The following SBF2 variants were observed in gnomAD, a reference collection of about 807,000 sequenced individuals.
SBF2 encodes myotubularin-related protein 13.
SBF2 carries 112 observed loss-of-function variants against 225.2 expected under a neutral mutation model. The ratio of observed to expected loss-of-function variants is 0.50; its 90% CI spans 0.43 to 0.58. SBF2 has a LOEUF of 0.58. Among genes scored for constraint, SBF2 ranks in the 20% least tolerant of loss-of-function variants. SBF2 has a pLI of 0.00. For missense variants in SBF2, 1,996 were observed against 2,206.2 expected (o/e 0.90, Z 1.91); for synonymous variants, 763 against 773.3 (o/e 0.99, Z 0.22).
chr11:10,221,398 A>G (rs1455583411), intron 1 of SBF2, among the ~76,000 whole-genome samples: 2 of 152,188 alleles, frequency 1.3e-5, no homozygotes. Context: ...GATTACAGGC[A>G]TGAGCCACTG....
intron 2 of SBF2, among the ~76,000 whole-genome samples, chr11:10,059,993 A>G (rs1274797986): frequency 2.0e-5 from 3 of 152,134 alleles, no homozygotes; most frequent in Non-Finnish European, 4.4e-5. Flanking sequence ...AGAACAAATC[A>G]ACCCCAAAGC....
At chr11:9,867,959 T>C (rs1029097657) in intron 17 of SBF2, among the ~76,000 whole-genome samples, 2 of 152,124 alleles carry the variant, frequency 1.3e-5, no homozygotes, top group African/African-American at 4.8e-5. Flanking sequence ...CAGCAGGTGA[T>C]TACAGTTAAC....
At chr11:10,081,863 C>A (rs1951380049) in intron 2 of SBF2, among the ~76,000 whole-genome samples, 1 of 149,458 alleles carries the variant, frequency 6.7e-6, no homozygotes, top group South Asian at 2.1e-4. Context: ...GCTAGAAGAA[C>A]AAAAGAAATA....
chr11:9,933,645 G>C (rs1864667963), intron 16 of SBF2, among the ~76,000 whole-genome samples: 1 of 152,052 alleles, frequency 6.6e-6, no homozygotes, highest in Non-Finnish European at 1.5e-5. Flanking sequence ...GAATCTCTGG[G>C]GCGCATTTAA....
intron 16 of SBF2, among the ~76,000 whole-genome samples, chr11:9,944,746 A>G (rs1391997986): frequency 6.6e-6 from 1 of 152,202 alleles, no homozygotes; most frequent in East Asian, 1.9e-4. Flanking sequence ...AGCAATTTAC[A>G]GGTTCAATGC....
intron 17 of SBF2, among the ~76,000 whole-genome samples, chr11:9,861,621 G>A (rs983772288): frequency 1.1e-4 from 16 of 145,156 alleles, no homozygotes; most frequent in Non-Finnish European, 2.4e-4. Flanking sequence ...CTGAGATCGC[G>A]CCACTGTACT....
chr11:9,849,105 C>G (rs1856747751), intron 22 of SBF2, among the ~76,000 whole-genome samples: 1 of 152,214 alleles, frequency 6.6e-6, no homozygotes, highest in Non-Finnish European at 1.5e-5. Context: ...AAGAAATACA[C>G]AGATGCCTGG....
intron 1 of SBF2, among the ~76,000 whole-genome samples, chr11:10,245,190 A>C (rs1467001154): frequency 6.6e-6 from 1 of 152,050 alleles, no homozygotes; most frequent in African/African-American, 2.4e-5. Flanking sequence ...TTATCCAAAA[A>C]AGAAATACAA....
At chr11:10,199,081 A>T (rs1457100870) in intron 1 of SBF2, among the ~76,000 whole-genome samples, 1 of 152,206 alleles carries the variant, frequency 6.6e-6, no homozygotes, top group African/African-American at 2.4e-5. Flanking sequence ...CTTACTAAAC[A>T]TAATCATTTC....
intron 16 of SBF2, among the ~76,000 whole-genome samples, chr11:9,938,063 G>A (rs377349491): frequency 6.6e-6 from 1 of 151,834 alleles, no homozygotes; most frequent in African/African-American, 2.4e-5. Flanking sequence ...GGGCCAAGGC[G>A]GGCGGATCAC....
At chr11:9,826,519 C>T (rs1038997920) in intron 28 of SBF2, among the ~76,000 whole-genome samples, 4 of 152,020 alleles carry the variant, frequency 2.6e-5, no homozygotes, top group South Asian at 2.1e-4. Flanking sequence ...AAGGGTTTTA[C>T]GTGTGGGAGA....
chr11:10,196,860 A>G lies in SBF2; in HGVS notation c.56-2873T>C, dbSNP rs1378635068. 3.7e-4 allele frequency among the ~76,000 whole-genome samples: 5 copies of G among 13,648 alleles called. 1 individual carries two copies. The highest frequency in any genetic ancestry group is 1.6e-3 in the Non-Finnish European group (5 of 3,172). 9.0% of individuals were successfully genotyped at this position (13,648 alleles called of 152,430 possible). On this transcript the variant is annotated intron_variant, in intron 1 of 39. Coordinates refer to ENST00000256190, the MANE Select transcript of SBF2 (RefSeq NM_030962.4). ...TAAATATATATATATATATATATAT[A>G]TATATATTTTTTTTTTCCTACAAAA...
chr11:9,959,609 A>C, intron 16 of SBF2: 1 of 763,590 alleles, frequency 1.3e-6, no homozygotes, highest in Non-Finnish European at 2.5e-6. Flanking sequence ...TCAAAGTACT[A>C]GAGCCACCAA....
chr11:10,248,060 T>G (rs1959983206), intron 1 of SBF2, among the ~76,000 whole-genome samples: 1 of 152,246 alleles, frequency 6.6e-6, no homozygotes, highest in Non-Finnish European at 1.5e-5. Flanking sequence ...ATAAGCTGCT[T>G]CTTTGACTTT....
intron 2 of SBF2, among the ~76,000 whole-genome samples, chr11:10,044,143 T>C (rs1293193579): frequency 2.0e-5 from 3 of 151,540 alleles, no homozygotes; most frequent in Non-Finnish European, 4.4e-5. Flanking sequence ...AAAGTTAGAA[T>C]TGAAATCAAT....
chr11:9,887,347 T>C lies in SBF2; in HGVS notation c.1929+8596A>G, dbSNP rs113965692. On this transcript the variant is annotated intron_variant, in intron 17 of 39. Transcript: ENST00000256190. ...AGTTTCCTTCTATCACTAGTTTAAA[T>C]AGTATATATAAACTAATCTTAATAA... Among the ~76,000 whole-genome samples the C allele has an allele frequency of 3.0e-3, 464 of 152,196 alleles. 1 individual carries two copies. The highest frequency in any genetic ancestry group is 0.011 in the African/African-American group (442 of 41,556).
chr11:10,079,592 T>C (rs2134855344), intron 2 of SBF2, among the ~76,000 whole-genome samples: 1 of 152,230 alleles, frequency 6.6e-6, no homozygotes, highest in South Asian at 2.1e-4. Flanking sequence ...TTGAGAAGTA[T>C]GGAACTATAA....
chr11:9,833,822 G>A (rs558326111), intron 26 of SBF2, among the ~76,000 whole-genome samples: 61 of 148,854 alleles, frequency 4.1e-4, no homozygotes, highest in African/African-American at 1.4e-3. Flanking sequence ...CCAGGCTGGA[G>A]TGCAATGGCG....
intron 2 of SBF2, among the ~76,000 whole-genome samples, chr11:10,111,556 T>G (rs1458990705): frequency 6.6e-6 from 1 of 152,222 alleles, no homozygotes; most frequent in Non-Finnish European, 1.5e-5. Flanking sequence ...TAACTGTAGT[T>G]GGATTTTAAA....
Sources: allele counts gnomAD v4.1 joint callset (sites outside exome capture counted in the v4.1 genomes callset), GRCh38; gene constraint gnomAD v4.1.1; transcripts MANE v1.5; gene names NCBI Gene and HGNC (gene_info 2026-07-23, HGNC 2026-07-21).